CIMIP4: variants seen among roughly 807,000 people sequenced by gnomAD.
The protein encoded by CIMIP4 is protein EAN57.
the CIMIP4 span, chr22:37,004,168 C>G: frequency 1.5e-6 from 1 of 688,554 alleles, no homozygotes; most frequent in Non-Finnish European, 2.3e-6. Context: ...CTGGTGCCCT[C>G]TGGCACTGCC....
the CIMIP4 span, among the ~76,000 whole-genome samples, chr22:37,004,270 C>A: frequency 1.3e-5 from 2 of 152,106 alleles, no homozygotes; most frequent in Non-Finnish European, 2.9e-5. Context: ...CTCTGAAAAG[C>A]CCTGGCCACC....
At chr22:36,991,340 G>C in the CIMIP4 span, 2 of 1,580,914 alleles carry the variant, frequency 1.3e-6, no homozygotes, top group South Asian at 2.2e-5. Context: ...GAGTTGCCCA[G>C]ACCCCAGGGA....
the CIMIP4 span, among the ~76,000 whole-genome samples, chr22:36,993,840 G>A: frequency 2.0e-5 from 3 of 152,100 alleles, no homozygotes; most frequent in Non-Finnish European, 4.4e-5. Flanking sequence ...CAATATGAAC[G>A]AATTAAACCC....
the CIMIP4 span, chr22:36,991,568 G>A: frequency 6.2e-7 from 1 of 1,614,184 alleles, no homozygotes; most frequent in Non-Finnish European, 8.5e-7. Flanking sequence ...GCCTTCATGA[G>A]GCTCTTTGTC....
chr22:37,006,367 T>A, the CIMIP4 span, among the ~76,000 whole-genome samples: 1 of 152,264 alleles, frequency 6.6e-6, no homozygotes, highest in African/African-American at 2.4e-5. Context: ...CCAACATTTG[T>A]GTGGCTGGAT....
At chr22:37,006,327 C>T in the CIMIP4 span, among the ~76,000 whole-genome samples, 11 of 152,160 alleles carry the variant, frequency 7.2e-5, no homozygotes, top group Non-Finnish European at 5.9e-5. Flanking sequence ...GAGAATTATC[C>T]CCAGGCCTTG....
At chr22:36,998,045 C>T in the CIMIP4 span, among the ~76,000 whole-genome samples, 2 of 152,194 alleles carry the variant, frequency 1.3e-5, no homozygotes, top group Admixed American at 1.3e-4. Flanking sequence ...GAGACAATTG[C>T]CTCTTGTGAG....
chr22:36,999,412 C>G, the CIMIP4 span, among the ~76,000 whole-genome samples: 2 of 147,488 alleles, frequency 1.4e-5, no homozygotes, highest in Non-Finnish European at 3.0e-5. Flanking sequence ...GGGTTGCTTT[C>G]TTGAGCCTGT....
the CIMIP4 span, among the ~76,000 whole-genome samples, chr22:36,993,720 C>T: frequency 6.6e-6 from 1 of 150,926 alleles, no homozygotes; most frequent in African/African-American, 2.4e-5. Context: ...CAGAGTGAGA[C>T]TCCATCTCAA....
the CIMIP4 span, among the ~76,000 whole-genome samples, chr22:37,001,262 A>C: frequency 1.7e-4 from 26 of 151,654 alleles, no homozygotes; most frequent in Non-Finnish European, 7.4e-5. Context: ...TACGCTCACC[A>C]TGTATTTGTC....
the CIMIP4 span, among the ~76,000 whole-genome samples, chr22:37,000,875 T>C: frequency 2.0e-5 from 3 of 152,152 alleles, no homozygotes; most frequent in Middle Eastern, 6.3e-3. Context: ...CCAGACTTGC[T>C]GGTGGTGGGG....
chr22:37,002,368 A>C, the CIMIP4 span: 3 of 116,214 alleles, frequency 2.6e-5, no homozygotes, highest in Non-Finnish European at 2.6e-5. Flanking sequence ...CAGAAAGTAG[A>C]GGGTGGGGAG....
chr22:37,006,503 T>A, the CIMIP4 span, among the ~76,000 whole-genome samples: 105 of 152,354 alleles, frequency 6.9e-4, 1 homozygote, highest in Non-Finnish European at 1.4e-3. Context: ...GGCAAATTAC[T>A]TAGTTTCACA....
At chr22:37,001,970 G>T in the CIMIP4 span, 1 of 1,613,904 alleles carries the variant, frequency 6.2e-7, no homozygotes, top group Non-Finnish European at 8.5e-7. Flanking sequence ...ACCGTCATCC[G>T]TCCCCTGGCA....
chr22:36,998,588 G>C, the CIMIP4 span, among the ~76,000 whole-genome samples: 2 of 152,178 alleles, frequency 1.3e-5, no homozygotes, highest in Non-Finnish European at 2.9e-5. Context: ...TGACTTAGTG[G>C]TCAAGAAAAG....
At chr22:36,997,017 G>T in the CIMIP4 span, among the ~76,000 whole-genome samples, 1 of 152,182 alleles carries the variant, frequency 6.6e-6, no homozygotes, top group Non-Finnish European at 1.5e-5. Flanking sequence ...TGGTGTTGTT[G>T]TTCCATTATT....
the CIMIP4 span, among the ~76,000 whole-genome samples, chr22:37,001,085 C>T: frequency 2.0e-5 from 3 of 152,074 alleles, no homozygotes; most frequent in Non-Finnish European, 4.4e-5. Context: ...AAATATGTCT[C>T]AGAATGCCAG....
the CIMIP4 span, among the ~76,000 whole-genome samples, chr22:37,005,558 T>G: frequency 2.0e-5 from 3 of 151,864 alleles, no homozygotes; most frequent in Non-Finnish European, 4.4e-5. Context: ...AAACAGTTTT[T>G]TTTTTTTTTT....
chr22:36,999,004 ACCTAAGGTCATAC>A, the CIMIP4 span, among the ~76,000 whole-genome samples: 1 of 152,026 alleles, frequency 6.6e-6, no homozygotes, highest in African/African-American at 2.4e-5. Flanking sequence ...TGAGGATCCC[ACCTAAGGTCATAC>A]CCAGCTAGTG....
Sources: allele counts gnomAD v4.1 joint callset (sites outside exome capture counted in the v4.1 genomes callset), GRCh38; gene constraint gnomAD v4.1.1; transcripts MANE v1.5; gene names NCBI Gene and HGNC (gene_info 2026-07-23, HGNC 2026-07-21).